CADM2: variants seen among roughly 807,000 people sequenced by gnomAD.
CADM2 encodes the protein immunoglobulin superfamily member 4D.
A neutral mutation model predicts 49.8 loss-of-function variants in CADM2; 12 were observed. The ratio of observed to expected loss-of-function variants is 0.24; its 90% confidence interval spans 0.15 to 0.39. The LOEUF is 0.39. Among genes scored for constraint, CADM2 ranks in the 10% least tolerant of loss-of-function variants. CADM2 has a pLI of 1.00. For missense variants in CADM2, 378 were observed against 492.3 expected, an observed-to-expected ratio of 0.77 and a Z score of 2.20; for synonymous variants, 214 against 175.4, an observed-to-expected ratio of 1.22 and a Z score of -1.74.
intron 8 of CADM2, chr3:85,994,113 C>G (rs1035127313): frequency 6.6e-6 from 1 of 152,236 alleles, no homozygotes; most frequent in African/African-American, 2.4e-5. Context: ...AGGACTGTTT[C>G]ATCTACATTT....
chr3:85,045,454 G>T (rs991402624), intron 1 of CADM2, among the ~76,000 whole-genome samples: 2 of 152,066 alleles, frequency 1.3e-5, no homozygotes, highest in Non-Finnish European at 2.9e-5. Flanking sequence ...ATTTTACAAT[G>T]TGGGCTATGT....
At chr3:85,965,161 C>CTA (rs1725313288) in intron 8 of CADM2, among the ~76,000 whole-genome samples, 1 of 150,902 alleles carries the variant, frequency 6.6e-6, no homozygotes, top group Non-Finnish European at 1.5e-5. Flanking sequence ...TTATAGGGAG[C>CTA]TATAGTAAGA....
At chr3:85,080,946 G>A (rs1433058048) in intron 1 of CADM2, among the ~76,000 whole-genome samples, 1 of 151,872 alleles carries the variant, frequency 6.6e-6, no homozygotes, top group Admixed American at 6.6e-5. Context: ...ATATAGGTCA[G>A]GGAAATTAGA....
intron 1 of CADM2, among the ~76,000 whole-genome samples, chr3:85,663,718 G>C (rs1398781130): frequency 6.6e-6 from 1 of 151,946 alleles, no homozygotes; most frequent in Non-Finnish European, 1.5e-5. Flanking sequence ...TTTCTTAACA[G>C]CATAAAAGCA....
intron 1 of CADM2, among the ~76,000 whole-genome samples, chr3:85,531,627 T>G (rs1429350354): frequency 6.6e-6 from 1 of 152,216 alleles, no homozygotes; most frequent in Non-Finnish European, 1.5e-5. Flanking sequence ...GCCTCTGTTT[T>G]TTTGCCCTCT....
At chr3:86,036,149 C>T (rs1281297638) in intron 8 of CADM2, among the ~76,000 whole-genome samples, 1 of 152,078 alleles carries the variant, frequency 6.6e-6, no homozygotes, top group African/African-American at 2.4e-5. Flanking sequence ...CATAACACAT[C>T]TAATCTGTGT....
chr3:85,326,727 T>G (rs2044764406), intron 1 of CADM2, among the ~76,000 whole-genome samples: 1 of 152,290 alleles, frequency 6.6e-6, no homozygotes, highest in South Asian at 2.1e-4. Flanking sequence ...ACCCTGCACA[T>G]GGCCTACAAT....
chr3:85,625,539 A>G (rs2064100405), intron 1 of CADM2, among the ~76,000 whole-genome samples: 1 of 151,910 alleles, frequency 6.6e-6, no homozygotes, highest in African/African-American at 2.4e-5. Flanking sequence ...AAAAGTACTT[A>G]TGCACTCTTT....
At chr3:85,636,238 G>A (rs1273887687) in intron 1 of CADM2, among the ~76,000 whole-genome samples, 1 of 152,122 alleles carries the variant, frequency 6.6e-6, no homozygotes, top group Non-Finnish European at 1.5e-5. Flanking sequence ...GGGACAAGAC[G>A]CAGAGGTGAC....
intron 1 of CADM2, among the ~76,000 whole-genome samples, chr3:85,653,114 G>C (rs2065102870): frequency 6.6e-6 from 1 of 151,316 alleles, no homozygotes; most frequent in African/African-American, 2.4e-5. Context: ...AGTTCAGAAG[G>C]TCTGGGATGT....
intron 2 of CADM2, among the ~76,000 whole-genome samples, chr3:85,769,235 TAC>T (rs1317905267): frequency 1.6e-5 from 2 of 121,968 alleles, no homozygotes; most frequent in Non-Finnish European, 3.1e-5. Flanking sequence ...TACACACATA[TAC>T]ACATATATAC....
At chr3:85,617,624 C>T (rs1559945798) in intron 1 of CADM2, among the ~76,000 whole-genome samples, 1 of 152,128 alleles carries the variant, frequency 6.6e-6, no homozygotes, top group Non-Finnish European at 1.5e-5. Flanking sequence ...CAGCCTGCCC[C>T]CTTTCCTCGG....
At chr3:85,885,318 C>T (rs1167719481) in intron 4 of CADM2, among the ~76,000 whole-genome samples, 1 of 148,342 alleles carries the variant, frequency 6.7e-6, no homozygotes, top group African/African-American at 2.5e-5. Context: ...AGGTGGATCA[C>T]TTGAGGTCAG....
At chr3:85,466,726 C>CT (rs1418193485) in intron 1 of CADM2, among the ~76,000 whole-genome samples, 1 of 151,238 alleles carries the variant, frequency 6.6e-6, no homozygotes. Flanking sequence ...TAATTCAGTT[C>CT]TTTTTTCAAA....
At chr3:85,510,458 A>G (rs1333753903) in intron 1 of CADM2, among the ~76,000 whole-genome samples, 4 of 152,080 alleles carry the variant, frequency 2.6e-5, no homozygotes, top group Non-Finnish European at 4.4e-5. Context: ...AATTTGTTTT[A>G]CATTCCGAAA....
chr3:85,475,241 C>A (rs746622907), intron 1 of CADM2, among the ~76,000 whole-genome samples: 2 of 151,824 alleles, frequency 1.3e-5, no homozygotes, highest in Non-Finnish European at 2.9e-5. Context: ...GTACTCAGAC[C>A]TTTCCAGCTG....
At chr3:85,948,572 C>T (rs921147141) in intron 7 of CADM2, among the ~76,000 whole-genome samples, 25 of 151,372 alleles carry the variant, frequency 1.7e-4, no homozygotes, top group African/African-American at 5.8e-4. Flanking sequence ...TCCTTAGCCA[C>T]TTACTCAAAA....
intron 1 of CADM2, among the ~76,000 whole-genome samples, chr3:85,423,249 G>A (rs1022221855): frequency 6.6e-6 from 1 of 151,990 alleles, no homozygotes; most frequent in African/African-American, 2.4e-5. Flanking sequence ...TCTGCTCATG[G>A]TGCCTGGGGC....
At position 85,136,755 on chromosome 3, in the gene CADM2, C is replaced by A. The variant is rs138583177; in HGVS notation, c.61+177087C>A. Among the ~76,000 whole-genome samples the A allele has an allele frequency of 2.8e-3, 426 of 152,024 alleles. 2 individuals are homozygous for A. Among genetic ancestry groups the A allele is most frequent in the African/African-American group, 9.8e-3 (408 of 41,542 alleles). On this transcript the variant is annotated intron_variant, in intron 1 of 9. Transcript: ENST00000383699. ...TGCATTTTTAATGACTACCTCCAAACAGCTATTTCATATGTAAGCAAGCTT... is the reference window on the plus strand; with the variant it reads ...TGCATTTTTAATGACTACCTCCAAAAAGCTATTTCATATGTAAGCAAGCTT...
Sources: allele counts gnomAD v4.1 joint callset (sites outside exome capture counted in the v4.1 genomes callset), GRCh38; gene constraint gnomAD v4.1.1; transcripts MANE v1.5; gene names NCBI Gene and HGNC (gene_info 2026-07-23, HGNC 2026-07-21).